Variants in UNC5D observed in about 807,000 individuals in gnomAD.
UNC5D encodes netrin receptor UNC5D.
UNC5D carries 39 observed loss-of-function variants against 105.4 expected under a neutral mutation model. The ratio of observed to expected loss-of-function variants is 0.37; its 90% CI spans 0.29 to 0.48. UNC5D has a LOEUF of 0.48. Among genes scored for constraint, UNC5D ranks in the 20% least tolerant of loss-of-function variants. The pLI is 0.98. For missense variants in UNC5D, 991 were observed against 1,202.4 expected, an observed-to-expected ratio of 0.82 and a Z score of 2.60; for synonymous variants, 452 against 450.4, an observed-to-expected ratio of 1.00 and a Z score of -0.04.
At chr8:35,723,041 T>C (rs1828666818) in intron 9 of UNC5D, among the ~76,000 whole-genome samples, 1 of 152,196 alleles carries the variant, frequency 6.6e-6, no homozygotes, top group African/African-American at 2.4e-5. Flanking sequence ...CCAAATCTAT[T>C]CCTTATTGCA....
chr8:35,412,850 G>A (rs1361437757), intron 1 of UNC5D, among the ~76,000 whole-genome samples: 1 of 152,066 alleles, frequency 6.6e-6, no homozygotes, highest in Non-Finnish European at 1.5e-5. Context: ...CCCAGGACTA[G>A]TAATCTAGAA....
chr8:35,501,773 A>G (rs1811988624), intron 1 of UNC5D, among the ~76,000 whole-genome samples: 1 of 152,312 alleles, frequency 6.6e-6, no homozygotes, highest in East Asian at 1.9e-4. Context: ...GAGCCTTACA[A>G]AGTTCCTGCT....
intron 1 of UNC5D, among the ~76,000 whole-genome samples, chr8:35,420,063 G>A (rs990601650): frequency 4.6e-5 from 7 of 152,036 alleles, no homozygotes; most frequent in African/African-American, 1.7e-4. Context: ...GGAATAAAAG[G>A]CAATCAAAAA....
chr8:35,484,737 T>C (rs567162398), intron 1 of UNC5D, among the ~76,000 whole-genome samples: 1 of 152,234 alleles, frequency 6.6e-6, no homozygotes, highest in African/African-American at 2.4e-5. Context: ...CAATAAAATC[T>C]AAAATGAATT....
chr8:35,390,336 T>C (rs1803693406), intron 1 of UNC5D, among the ~76,000 whole-genome samples: 1 of 152,174 alleles, frequency 6.6e-6, no homozygotes, highest in South Asian at 2.1e-4. Context: ...TATCGAGAGT[T>C]AACTTAAAAT....
At chr8:35,255,721 T>C (rs932868090) in intron 1 of UNC5D, 13 of 152,194 alleles carry the variant, frequency 8.5e-5, no homozygotes, top group Non-Finnish European at 1.9e-4. Flanking sequence ...TCAGTTGTGG[T>C]ATAGCCTCAC....
rs1456500005 is a variant in UNC5D at position 35,791,633 on chromosome 8, C to G, written c.*1070C>G. 6.6e-6 allele frequency: 1 copy of G among 152,086 alleles called. No homozygotes were observed. Among genetic ancestry groups the G allele is most frequent in the Admixed American group, 6.6e-5 (1 of 15,238 alleles). 9.4% of individuals were successfully genotyped at this position (152,086 alleles called of 1,614,324 possible). ...TCTCTCAGTAAGGCTATATGTGATCCTCATTTTGCCTCTTGGGAAATTAGC... is the reference window on the plus strand; with the variant it reads ...TCTCTCAGTAAGGCTATATGTGATCGTCATTTTGCCTCTTGGGAAATTAGC... On this transcript the variant is annotated 3_prime_UTR_variant, in exon 17 of 17. Transcript: ENST00000404895.
At chr8:35,692,229 C>A (rs1372634621) in intron 7 of UNC5D, among the ~76,000 whole-genome samples, 1 of 152,166 alleles carries the variant, frequency 6.6e-6, no homozygotes, top group Non-Finnish European at 1.5e-5. Flanking sequence ...AAATAAACAT[C>A]CCCAAGCTAC....
At chr8:35,756,256 C>G (rs1381196824) in intron 13 of UNC5D, among the ~76,000 whole-genome samples, 2 of 152,064 alleles carry the variant, frequency 1.3e-5, no homozygotes, top group Admixed American at 6.6e-5. Flanking sequence ...TCAATATGCG[C>G]AGATTTAAGG....
intron 4 of UNC5D, among the ~76,000 whole-genome samples, chr8:35,666,692 CT>C (rs2131257453): frequency 6.6e-6 from 1 of 152,202 alleles, no homozygotes; most frequent in East Asian, 1.9e-4. Context: ...TGCAAAGTTA[CT>C]TGTTTTTAGA....
intron 1 of UNC5D, among the ~76,000 whole-genome samples, chr8:35,327,691 G>A (rs545954525): frequency 6.6e-5 from 10 of 152,262 alleles, no homozygotes; most frequent in South Asian, 6.2e-4. Flanking sequence ...TGCTCTTTCC[G>A]ACCCTGGCAC....
chr8:35,567,727 A>C (rs1266198708), intron 2 of UNC5D, among the ~76,000 whole-genome samples: 9 of 152,172 alleles, frequency 5.9e-5, no homozygotes, highest in African/African-American at 1.2e-4. Flanking sequence ...AACAACTTGG[A>C]ACTGTGTCCC....
chr8:35,517,444 A>C (rs1281148270), intron 1 of UNC5D, among the ~76,000 whole-genome samples: 1 of 152,220 alleles, frequency 6.6e-6, no homozygotes, highest in Non-Finnish European at 1.5e-5. Context: ...GGAAAGTGAG[A>C]CTGGGGATGG....
At chr8:35,507,724 A>C (rs1812429983) in intron 1 of UNC5D, among the ~76,000 whole-genome samples, 1 of 152,180 alleles carries the variant, frequency 6.6e-6, no homozygotes, top group Admixed American at 6.5e-5. Context: ...TATAGTTAAT[A>C]ATTTAATTGT....
intron 1 of UNC5D, among the ~76,000 whole-genome samples, chr8:35,447,447 G>A (rs1230459238): frequency 6.6e-6 from 1 of 151,994 alleles, no homozygotes; most frequent in Non-Finnish European, 1.5e-5. Flanking sequence ...TGGGAGAATA[G>A]CCCAGAGAGT....
At chr8:35,774,184 C>T in intron 15 of UNC5D, 115 bp from the exon 16 acceptor site, 2 of 1,176,306 alleles carry the variant, frequency 1.7e-6, no homozygotes, top group Admixed American at 2.2e-5. Context: ...GAGTCCATCA[C>T]AACAGGCAAG....
intron 4 of UNC5D, among the ~76,000 whole-genome samples, chr8:35,602,456 A>G (rs201699427): frequency 2.0e-5 from 3 of 152,092 alleles, no homozygotes; most frequent in African/African-American, 7.2e-5. Context: ...GTAAGCTATT[A>G]ATTATTGCCT....
At chr8:35,670,819 A>T (rs1319097845) in intron 4 of UNC5D, among the ~76,000 whole-genome samples, 1 of 152,154 alleles carries the variant, frequency 6.6e-6, no homozygotes, top group Non-Finnish European at 1.5e-5. Flanking sequence ...TGGCACATGT[A>T]TACCTATGTG....
intron 1 of UNC5D, among the ~76,000 whole-genome samples, chr8:35,341,506 A>G (rs1436888489): frequency 6.6e-6 from 1 of 151,724 alleles, no homozygotes. Context: ...AATTGATTGA[A>G]CTGATCATTG....
Sources: allele counts gnomAD v4.1 joint callset (sites outside exome capture counted in the v4.1 genomes callset), GRCh38; gene constraint gnomAD v4.1.1; transcripts MANE v1.5; gene names NCBI Gene and HGNC (gene_info 2026-07-23, HGNC 2026-07-21).